LBH: variants seen among roughly 807,000 people sequenced by gnomAD.
LBH encodes protein LBH.
In LBH, 7 loss-of-function variants were observed where a neutral mutation model predicts 12.5. That is an observed-to-expected ratio of 0.56 (90% confidence interval 0.32 to 1.05). The LOEUF (loss-of-function observed/expected upper bound fraction) is 1.05, where lower values mean the gene tolerates loss of function less well. Among genes scored for constraint, LBH ranks in the 50% least tolerant of loss-of-function variants. The pLI is 0.04. For missense variants in LBH, 119 were observed against 138.9 expected (o/e 0.86, Z 0.72); for synonymous variants, 51 against 50.1 (o/e 1.02, Z -0.08).
At chr2:30,241,660 A>G (rs1485812471) in intron 2 of LBH, among the ~76,000 whole-genome samples, 1 of 151,950 alleles carries the variant, frequency 6.6e-6, no homozygotes, top group South Asian at 2.1e-4. Context: ...ACGGGGTCTC[A>G]CCATGTTGGC....
At chr2:30,254,194 A>G (rs560800102) in intron 2 of LBH, among the ~76,000 whole-genome samples, 1 of 152,344 alleles carries the variant, frequency 6.6e-6, no homozygotes, top group African/African-American at 2.4e-5. Flanking sequence ...CTATACATCC[A>G]TACCTGTGAT....
chr2:30,231,897 C>T, intron 1 of LBH, 133 bp downstream of exon 1: 1 of 703,626 alleles, frequency 1.4e-6, no homozygotes, highest in Non-Finnish European at 2.0e-6. Context: ...GCCGCCCGAG[C>T]CCGTGCAGGA....
intron 2 of LBH, among the ~76,000 whole-genome samples, chr2:30,242,869 T>C (rs562397682): frequency 1.3e-5 from 2 of 152,358 alleles, no homozygotes; most frequent in East Asian, 3.9e-4. Flanking sequence ...CAGAAATCTC[T>C]GCACAGGTCT....
At chr2:30,245,444 C>T (rs549375773) in intron 2 of LBH, among the ~76,000 whole-genome samples, 2 of 152,162 alleles carry the variant, frequency 1.3e-5, no homozygotes, top group South Asian at 4.1e-4. Context: ...ACCATGGATA[C>T]GTACACTTTC....
chr2:30,234,615 A>C (rs1040685256), intron 2 of LBH, 108 bp downstream of exon 2: 1 of 725,910 alleles, frequency 1.4e-6, no homozygotes, highest in Non-Finnish European at 2.4e-6. Flanking sequence ...GAGCTGTGGG[A>C]CTGTGGCAGA....
At chr2:30,257,073 A>G (rs976199201) in intron 2 of LBH, among the ~76,000 whole-genome samples, 5 of 152,194 alleles carry the variant, frequency 3.3e-5, no homozygotes, top group African/African-American at 1.2e-4. Context: ...GCTGGAGTAA[A>G]ATACTTCCTG....
At chr2:30,232,874 A>T (rs1280654913) in intron 1 of LBH, 2 of 152,262 alleles carry the variant, frequency 1.3e-5, no homozygotes, top group African/African-American at 4.8e-5. Context: ...CAGCTCCCGA[A>T]CCTAAACTTG....
chr2:30,234,919 G>A (rs1388050867), intron 2 of LBH, among the ~76,000 whole-genome samples: 3 of 152,130 alleles, frequency 2.0e-5, no homozygotes, highest in Non-Finnish European at 2.9e-5. Flanking sequence ...CATTGCTGTC[G>A]GGGGCTTCTG....
At chr2:30,252,713 C>A (rs1678005980) in intron 2 of LBH, among the ~76,000 whole-genome samples, 1 of 152,004 alleles carries the variant, frequency 6.6e-6, no homozygotes, top group African/African-American at 2.4e-5. Context: ...TTGGGGATTT[C>A]TTCATAGTAG....
rs1678129728 is a variant in LBH at position 30,258,740 on chromosome 2, T to G, written c.*1119T>G. ...TGGAGAGCAGACGTGGCTTTTTATG[T>G]GTCTTGTTGGGGAGGTGACTTGCAT... On this transcript the variant is annotated 3_prime_UTR_variant, in exon 3 of 3. Coordinates refer to ENST00000395323, the MANE Select transcript of LBH (RefSeq NM_030915.4). The G allele has an allele frequency of 6.6e-6, 1 of 152,406 alleles. No individual in the cohort carries two copies. Among genetic ancestry groups the G allele is most frequent in the African/African-American group, 2.4e-5 (1 of 41,452 alleles). 9.4% of individuals were successfully genotyped at this position (152,406 alleles called of 1,614,324 possible).
chr2:30,256,989 A>G (rs1403024059), intron 2 of LBH, among the ~76,000 whole-genome samples: 1 of 152,256 alleles, frequency 6.6e-6, no homozygotes, highest in East Asian at 1.9e-4. Context: ...AGCACCTGGT[A>G]ACCTGCTCAC....
At chr2:30,250,863 G>C in intron 2 of LBH, among the ~76,000 whole-genome samples, 1 of 151,878 alleles carries the variant, frequency 6.6e-6, no homozygotes, top group Middle Eastern at 3.4e-3. Flanking sequence ...GGATTCCCAG[G>C]AACATCCTGC....
At chr2:30,232,090 GA>G in intron 1 of LBH, 5 of 1,534,672 alleles carry the variant, frequency 3.3e-6, no homozygotes, top group Non-Finnish European at 4.4e-6. Context: ...AGAGCTGCAG[GA>G]GGCGCGCGCC....
intron 1 of LBH, chr2:30,232,806 C>A (rs1677617300): frequency 6.6e-6 from 1 of 152,340 alleles, no homozygotes. Flanking sequence ...TGGCTCCTTT[C>A]TTTGGAGGTC....
At chr2:30,249,869 A>G (rs1471124411) in intron 2 of LBH, among the ~76,000 whole-genome samples, 1 of 152,232 alleles carries the variant, frequency 6.6e-6, no homozygotes, top group Non-Finnish European at 1.5e-5. Context: ...CAAGATCAGC[A>G]TTAGCACTGA....
chr2:30,253,429 A>C (rs1046319506), intron 2 of LBH, among the ~76,000 whole-genome samples: 1 of 152,236 alleles, frequency 6.6e-6, no homozygotes, highest in African/African-American at 2.4e-5. Flanking sequence ...TAATAAAATA[A>C]GATCTCTGAT....
chr2:30,233,628 C>T (rs921252173), intron 1 of LBH, among the ~76,000 whole-genome samples: 10 of 152,248 alleles, frequency 6.6e-5, no homozygotes, highest in Admixed American at 3.9e-4. Flanking sequence ...AGGGAATATT[C>T]GTATCCTGCT....
At chr2:30,242,377 G>A (rs1677805281) in intron 2 of LBH, among the ~76,000 whole-genome samples, 1 of 152,074 alleles carries the variant, frequency 6.6e-6, no homozygotes, top group Admixed American at 6.6e-5. Flanking sequence ...CCAAGTAGCT[G>A]AGATTACAGG....
chr2:30,244,167 T>G (rs1677836805), intron 2 of LBH, among the ~76,000 whole-genome samples: 2 of 152,200 alleles, frequency 1.3e-5, no homozygotes, highest in Admixed American at 6.5e-5. Flanking sequence ...ACATACCAGC[T>G]TACATGAGTG....
Sources: allele counts gnomAD v4.1 joint callset (sites outside exome capture counted in the v4.1 genomes callset), GRCh38; gene constraint gnomAD v4.1.1; transcripts MANE v1.5; gene names NCBI Gene and HGNC (gene_info 2026-07-23, HGNC 2026-07-21).